Variants in BRAF observed in about 807,000 individuals in gnomAD.
The protein encoded by BRAF is B-Raf proto-oncogene, serine/threonine kinase, also known as serine/threonine-protein kinase B-raf.
In BRAF, 16 loss-of-function variants were observed where a neutral mutation model predicts 104.6. That is an observed-to-expected ratio of 0.15 (90% CI 0.10 to 0.23). The LOEUF is 0.23. BRAF is among the 10% of genes least tolerant of loss of function. The pLI is 1.00. For synonymous variants in BRAF, 310 were observed against 341.6 expected (o/e 0.91, Z 1.02); for missense variants, 541 against 937.3 (o/e 0.58, Z 5.52).
intron 3 of BRAF, among the ~76,000 whole-genome samples, chr7:140,813,250 G>A (rs1003776934): frequency 5.3e-5 from 8 of 151,954 alleles, no homozygotes; most frequent in Non-Finnish European, 4.4e-5. Context: ...TGAGAGACAG[G>A]TCCCAGAAAC....
rs2130820218 is a variant in BRAF at position 140,721,812 on chromosome 7, T to A, written c.*4682A>T. ...TCTTTTACATCCAATGGCCAGGTCA[T>A]AAAGGATGCCTTGAGACCTCCACCC... On this transcript the variant is annotated 3_prime_UTR_variant, in exon 20 of 20. Coordinates refer to ENST00000644969, the MANE Select transcript of BRAF (RefSeq NM_001374258.1). 2 of 1,402,036 alleles carry A rather than the reference T, an allele frequency of 1.4e-6. No individual in the cohort carries two copies. Among genetic ancestry groups the A allele is most frequent in the East Asian group, 5.6e-5 (2 of 35,904 alleles). 86.8% of individuals were successfully genotyped at this position (1,402,036 alleles called of 1,614,324 possible). A position where few individuals can be genotyped will look rare whatever the true frequency, so the allele number is the denominator to read the frequency against.
chr7:140,743,557 A>G (rs1797106801), intron 17 of BRAF, among the ~76,000 whole-genome samples: 2 of 151,138 alleles, frequency 1.3e-5, no homozygotes, highest in Admixed American at 6.6e-5. Flanking sequence ...GGAACATCAC[A>G]CTCTGGGGAC....
chr7:140,924,423 G>C lies in BRAF; in HGVS notation c.138+143C>G. 1 of 1,237,940 alleles carries C rather than the reference G, an allele frequency of 8.1e-7. No homozygotes were observed. The highest frequency in any genetic ancestry group is 1.3e-5 in the South Asian group (1 of 75,646). 76.7% of individuals were successfully genotyped at this position (1,237,940 alleles called of 1,614,324 possible). On this transcript the variant is annotated intron_variant, in intron 1 of 19. Transcript: ENST00000644969. This position sits in a 1 kb window ranked among gnomAD's most constrained non-coding sequence, Gnocchi z 4.2. ...GCATGACGGAGAGGGACACGGGGGCGATGCCCACCTCCCAGCCCGCGGAGC... is the reference window on the plus strand; with the variant it reads ...GCATGACGGAGAGGGACACGGGGGCCATGCCCACCTCCCAGCCCGCGGAGC...
Position 140,782,100 on chromosome 7 carries a change from T to C in BRAF, c.1435-407A>G, listed in dbSNP as rs539987061. On this transcript the variant is annotated intron_variant, in intron 11 of 19. Coordinates refer to ENST00000644969, the MANE Select transcript of BRAF (RefSeq NM_001374258.1). ...ACAGGTCCCAGTGTGTGATGTTCCC[T>C]GCCCTGTGTCCAAGTGTTCTCACTG... Among the ~76,000 whole-genome samples the C allele has an allele frequency of 1.1e-4, 16 of 152,226 alleles. No homozygotes were observed. The South Asian group carries it at 1.5e-3, about 14-fold the overall frequency.
In BRAF at chr7:140,722,430, G is replaced by A; in HGVS notation, c.*4064C>T. On this transcript the variant is annotated 3_prime_UTR_variant, in exon 20 of 20. Transcript: ENST00000644969. ...TTAGCTTTTTTATTGCATCATGAAG[G>A]CACAGTAAGATCATTTGGCAAATTG... 1 of 1,054,632 alleles carries A rather than the reference G, an allele frequency of 9.5e-7. No homozygotes were observed. The highest frequency in any genetic ancestry group is 1.1e-6 in the Non-Finnish European group (1 of 872,606). The allele number at this position is 1,054,632 out of a possible 1,614,324, so 65.3% of individuals were successfully genotyped here. A position where few individuals can be genotyped will look rare whatever the true frequency, so the allele number is the denominator to read the frequency against.
At chr7:140,803,860 G>A (rs887839841) in intron 5 of BRAF, among the ~76,000 whole-genome samples, 1 of 152,082 alleles carries the variant, frequency 6.6e-6, no homozygotes, top group Admixed American at 6.5e-5. Flanking sequence ...GCGAGAGCAT[G>A]GGTGACTTCT....
At chr7:140,793,344 T>C (rs1371695864) in intron 8 of BRAF, among the ~76,000 whole-genome samples, 2 of 152,182 alleles carry the variant, frequency 1.3e-5, no homozygotes, top group Non-Finnish European at 2.9e-5. Context: ...TGTTTTTAGG[T>C]CTTGCTAGAT....
chr7:140,789,113 G>C (rs1801687644), intron 8 of BRAF, among the ~76,000 whole-genome samples: 1 of 151,890 alleles, frequency 6.6e-6, no homozygotes, highest in African/African-American at 2.4e-5. Context: ...GGAGGCTGAG[G>C]CAGGAGAATT....
chr7:140,784,060 TGAA>T (rs1801128022), intron 10 of BRAF, among the ~76,000 whole-genome samples: 1 of 152,136 alleles, frequency 6.6e-6, no homozygotes, highest in Admixed American at 6.5e-5. Flanking sequence ...TACTGGGGCC[TGAA>T]TACAGCTGAG....
intron 16 of BRAF, among the ~76,000 whole-genome samples, chr7:140,750,405 G>A (rs956435483): frequency 6.6e-6 from 1 of 152,100 alleles, no homozygotes; most frequent in Non-Finnish European, 1.5e-5. Flanking sequence ...AATGACCCGC[G>A]GAGCCTTAAA....
intron 17 of BRAF, 167 bp downstream of exon 16, chr7:140,749,120 A>T: frequency 1.3e-6 from 1 of 750,776 alleles, no homozygotes; most frequent in Non-Finnish European, 2.1e-6. Context: ...GAAAGGACTT[A>T]ACGTGTTGCT....
At chr7:140,793,509 TTC>T (rs1212710857) in intron 8 of BRAF, among the ~76,000 whole-genome samples, 1 of 151,940 alleles carries the variant, frequency 6.6e-6, no homozygotes, top group Non-Finnish European at 1.5e-5. Context: ...TTATAAGTTT[TTC>T]TTTTATATTA....
At chr7:140,745,105 T>G (rs1192417609) in intron 17 of BRAF, among the ~76,000 whole-genome samples, 3 of 152,172 alleles carry the variant, frequency 2.0e-5, no homozygotes, top group African/African-American at 7.2e-5. Context: ...AGAGCTTCAG[T>G]ATTTTTTAAT....
At chr7:140,900,808 ACCATGTTGG>A (rs1235529807) in intron 1 of BRAF, among the ~76,000 whole-genome samples, 2 of 152,104 alleles carry the variant, frequency 1.3e-5, no homozygotes, top group African/African-American at 2.4e-5. Context: ...ACGGGGTTTC[ACCATGTTGG>A]CCAGGCTGGT....
At chr7:140,800,237 A>G (rs1362498209) in intron 7 of BRAF, 125 bp downstream of exon 7, 3 of 1,440,422 alleles carry the variant, frequency 2.1e-6, no homozygotes, top group East Asian at 4.6e-5. Flanking sequence ...TGGTATGATA[A>G]GTTATTTGGG....
At chr7:140,735,173 C>G (rs1457505189) in intron 18 of BRAF, among the ~76,000 whole-genome samples, 1 of 152,176 alleles carries the variant, frequency 6.6e-6, no homozygotes, top group Admixed American at 6.5e-5. Context: ...AAGTAAAGCA[C>G]TTTATGACTA....
At chr7:140,876,838 CAT>C (rs1812316586) in intron 1 of BRAF, among the ~76,000 whole-genome samples, 1 of 152,024 alleles carries the variant, frequency 6.6e-6, no homozygotes, top group East Asian at 1.9e-4. Flanking sequence ...CAGCTGAATA[CAT>C]GTTCTTGTCA....
Position 140,745,806 on chromosome 7 carries a change from A to C in BRAF, c.2112+3481T>G, listed in dbSNP as rs556698736. Among the ~76,000 whole-genome samples the C allele has an allele frequency of 2.6e-5, 4 of 152,308 alleles. No homozygotes were observed. The East Asian group carries it at 7.7e-4, about 29-fold the overall frequency. On this transcript the variant is annotated intron_variant, in intron 17 of 19. Coordinates refer to ENST00000644969, the MANE Select transcript of BRAF (RefSeq NM_001374258.1). ...TTGGTATTGAAAACATTTTCTATTA[A>C]AATAATTTGCCTACTGATAAGAGAC...
intron 3 of BRAF, chr7:140,823,933 T>C (rs1805742227): frequency 6.6e-6 from 1 of 152,232 alleles, no homozygotes; most frequent in South Asian, 2.1e-4. Context: ...CATCTTTTCA[T>C]ATGCTCGTGG....
Sources: allele counts gnomAD v4.1 joint callset (sites outside exome capture counted in the v4.1 genomes callset), GRCh38; gene constraint gnomAD v4.1.1; non-coding constraint Gnocchi (gnomAD v3.1); transcripts MANE v1.5; gene names NCBI Gene and HGNC (gene_info 2026-07-23, HGNC 2026-07-21).